The following UGT1A6 variants were observed in gnomAD, a reference collection of about 807,000 sequenced individuals.
UGT1A6 encodes UDP-glucuronosyltransferase 1A6.
In UGT1A6, 32 loss-of-function variants were observed where a neutral mutation model predicts 44.4. That is an observed-to-expected ratio of 0.72 (90% CI 0.54 to 0.97). The LOEUF (loss-of-function observed/expected upper bound fraction) is 0.97. Among genes scored for constraint, UGT1A6 ranks in the 50% least tolerant of loss-of-function variants. The probability of loss-of-function intolerance (pLI) is 0.00; values close to 1 mark genes in which losing one functional copy is unlikely to be tolerated. For synonymous variants in UGT1A6, 238 were observed against 248.5 expected (o/e 0.96, Z 0.40); for missense variants, 685 against 661.9 (o/e 1.03, Z -0.38).
chr2:233,739,606 T>C (rs1247798454), intron 1 of UGT1A6, among the ~76,000 whole-genome samples: 1 of 152,250 alleles, frequency 6.6e-6, no homozygotes, highest in African/African-American at 2.4e-5. Flanking sequence ...CCCTTTGTTT[T>C]GGCCAGTTTC....
intron 1 of UGT1A6, among the ~76,000 whole-genome samples, chr2:233,765,362 C>T (rs923355848): frequency 3.3e-5 from 5 of 152,128 alleles, no homozygotes; most frequent in African/African-American, 7.2e-5. Context: ...AACCCAGATG[C>T]CCATCAATGG....
At chr2:233,741,628 C>T (rs1691725357) in intron 1 of UGT1A6, 1 of 151,848 alleles carries the variant, frequency 6.6e-6, no homozygotes, top group Non-Finnish European at 1.5e-5. Context: ...CCCCATGAGC[C>T]CCTGTGGGAT....
Position 233,758,200 on chromosome 2 carries a change from T to C in UGT1A6, c.862-8834T>C, listed in dbSNP as rs184891359. Among the ~76,000 whole-genome samples the C allele has an allele frequency of 3.3e-4, 50 of 152,348 alleles. No homozygotes were observed. In the East Asian group the frequency reaches 9.2e-3, roughly 28 times the overall value. On this transcript the variant is annotated intron_variant, in intron 1 of 4. Coordinates refer to ENST00000305139, the MANE Select transcript of UGT1A6 (RefSeq NM_001072.4). ...AGATATTAATTGGATTGCTTAGTAGTGGTTCTCTGTTGTAATTCATGAGCA... is the reference window on the plus strand; with the variant it reads ...AGATATTAATTGGATTGCTTAGTAGCGGTTCTCTGTTGTAATTCATGAGCA...
At chr2:233,767,234 C>T in intron 2 of UGT1A6, 69 bp downstream of exon 2, 1 of 1,609,592 alleles carries the variant, frequency 6.2e-7, no homozygotes, top group Middle Eastern at 1.7e-4. Context: ...CTTCCAGCTT[C>T]CAGATTAATT....
chr2:233,758,136 T>C (rs1239060049), intron 1 of UGT1A6, among the ~76,000 whole-genome samples: 2 of 152,212 alleles, frequency 1.3e-5, no homozygotes, highest in Non-Finnish European at 2.9e-5. Context: ...ATTTGGCAGA[T>C]GAGGGAATTA....
At position 233,744,231 on chromosome 2, in the gene UGT1A6, C is replaced by A. The variant is rs577435617; in HGVS notation, c.862-22803C>A. Among the ~76,000 whole-genome samples the A allele has an allele frequency of 9.7e-4, 148 of 151,936 alleles. 3 individuals carry two copies. The highest frequency in any genetic ancestry group is 3.5e-3 in the African/African-American group (144 of 41,218). ...AAAGAGGTTGGGGAAAAGAGAGGGC[C>A]TTGACTTTGGCTGCCTGAAGAACTG... On this transcript the variant is annotated intron_variant, in intron 1 of 4. Transcript: ENST00000305139.
intron 1 of UGT1A6, among the ~76,000 whole-genome samples, chr2:233,700,272 A>G (rs1488856849): frequency 6.6e-6 from 1 of 152,218 alleles, no homozygotes; most frequent in Non-Finnish European, 1.5e-5. Context: ...CTTAATAGGC[A>G]CTTTTTAAAA....
At chr2:233,719,330 G>T in intron 1 of UGT1A6, 1 of 1,613,866 alleles carries the variant, frequency 6.2e-7, no homozygotes, top group Admixed American at 1.7e-5. Flanking sequence ...TTCCTGCTGT[G>T]TTTTTTTGGA....
chr2:233,720,049 G>A (rs1278605052), intron 1 of UGT1A6, among the ~76,000 whole-genome samples: 10 of 152,182 alleles, frequency 6.6e-5, no homozygotes, highest in East Asian at 5.8e-4. Context: ...TCAGCTGAAC[G>A]GTGATGCAAC....
At chr2:233,695,130 C>CTTTCTCTTT (rs1364557158) in intron 1 of UGT1A6, among the ~76,000 whole-genome samples, 2 of 138,840 alleles carry the variant, frequency 1.4e-5, no homozygotes, top group African/African-American at 5.4e-5. Context: ...CTTTTCTTTT[C>CTTTCTCTTT]TTTTTTTTTT....
chr2:233,743,680 G>A (rs555741522), intron 1 of UGT1A6: 52 of 1,367,218 alleles, frequency 3.8e-5, no homozygotes, highest in East Asian at 3.2e-4. Flanking sequence ...AGGGCCTGCC[G>A]CCTGTGCAGC....
chr2:233,760,476 C>G (rs191471887), intron 1 of UGT1A6: 1 of 1,614,200 alleles, frequency 6.2e-7, no homozygotes, highest in Non-Finnish European at 8.5e-7. Context: ...TAGCACCTGA[C>G]GCCTCGTTGT....
At chr2:233,752,913 G>A (rs1372814851) in intron 1 of UGT1A6, among the ~76,000 whole-genome samples, 1 of 152,202 alleles carries the variant, frequency 6.6e-6, no homozygotes, top group East Asian at 1.9e-4. Context: ...CCACCTCTGA[G>A]TGACACTGGT....
At chr2:233,752,177 T>C (rs1381514307) in intron 1 of UGT1A6, among the ~76,000 whole-genome samples, 5 of 152,176 alleles carry the variant, frequency 3.3e-5, no homozygotes, top group Non-Finnish European at 7.3e-5. Context: ...TGATGTAAGC[T>C]GAATTAAAAT....
intron 1 of UGT1A6, among the ~76,000 whole-genome samples, chr2:233,724,309 C>T (rs1481957391): frequency 1.9e-4 from 27 of 145,654 alleles, no homozygotes; most frequent in East Asian, 8.6e-4. Flanking sequence ...ACCTCCCTCC[C>T]GGACGGGGCG....
chr2:233,735,838 C>T (rs1278519081), intron 1 of UGT1A6, among the ~76,000 whole-genome samples: 2 of 152,038 alleles, frequency 1.3e-5, no homozygotes, highest in Non-Finnish European at 2.9e-5. Context: ...AATATTGGCC[C>T]CCACTCTCTT....
chr2:233,717,415 G>C (rs565971108), intron 1 of UGT1A6, among the ~76,000 whole-genome samples: 2 of 152,300 alleles, frequency 1.3e-5, no homozygotes, highest in East Asian at 3.9e-4. Context: ...TGCCTCCCTT[G>C]AGCTGGGTGT....
chr2:233,751,623 T>C (rs985380326), intron 1 of UGT1A6, among the ~76,000 whole-genome samples: 2 of 152,166 alleles, frequency 1.3e-5, no homozygotes, highest in African/African-American at 4.8e-5. Context: ...GATTGGATCA[T>C]GTGTGCAGTT....
chr2:233,737,141 C>T (rs2078844514), intron 1 of UGT1A6, among the ~76,000 whole-genome samples: 1 of 152,246 alleles, frequency 6.6e-6, no homozygotes, highest in African/African-American at 2.4e-5. Context: ...GCCTTTTGTT[C>T]AGATATGCCC....
Sources: gnomAD v4.1 joint callset for allele counts (sites outside exome capture counted in the v4.1 genomes callset) on GRCh38, gnomAD v4.1.1 for gene constraint, MANE v1.5 for transcripts, NCBI Gene and HGNC (gene_info 2026-07-23, HGNC 2026-07-21) for gene names.